The following DLG2 variants were observed in gnomAD, a reference collection of about 807,000 sequenced individuals.
DLG2 encodes the protein discs large MAGUK scaffold protein 2.
In DLG2, 45 loss-of-function variants were observed where a neutral mutation model predicts 132.5. The ratio of observed to expected loss-of-function variants is 0.34; its 90% CI spans 0.27 to 0.44. DLG2 has a LOEUF of 0.44. Ranked by LOEUF, DLG2 falls within the 20% of genes least tolerant of loss-of-function variation. The pLI, the probability that DLG2 is intolerant of heterozygous loss-of-function variation, is 1.00. For missense variants in DLG2, 1,045 were observed against 1,196.9 expected (o/e 0.87, Z 1.87); for synonymous variants, 424 against 419.6 (o/e 1.01, Z -0.13).
At chr11:85,099,613 G>C (rs751904827) in intron 6 of DLG2, among the ~76,000 whole-genome samples, 8 of 152,050 alleles carry the variant, frequency 5.3e-5, no homozygotes, top group Non-Finnish European at 8.8e-5. Context: ...GAATGTTGTA[G>C]GAAAAGCTTT....
At chr11:84,279,711 A>T (rs1177871555) in intron 7 of DLG2, among the ~76,000 whole-genome samples, 1 of 152,184 alleles carries the variant, frequency 6.6e-6, no homozygotes, top group African/African-American at 2.4e-5. Flanking sequence ...CACAAGAAGA[A>T]AAAACCAAAC....
intron 11 of DLG2, among the ~76,000 whole-genome samples, chr11:84,022,134 AC>A (rs1287624130): frequency 6.6e-6 from 1 of 152,200 alleles, no homozygotes; most frequent in South Asian, 2.1e-4. Context: ...TTCAAGTGTT[AC>A]CACCATTATA....
intron 6 of DLG2, among the ~76,000 whole-genome samples, chr11:85,000,574 T>C (rs959441151): frequency 6.6e-6 from 1 of 152,200 alleles, no homozygotes; most frequent in Non-Finnish European, 1.5e-5. Context: ...GGAATGTGAA[T>C]ACCATTTTTT....
intron 6 of DLG2, among the ~76,000 whole-genome samples, chr11:85,041,147 C>T (rs755133854): frequency 6.6e-6 from 1 of 151,676 alleles, no homozygotes; most frequent in Non-Finnish European, 1.5e-5. Context: ...TATTACCTTG[C>T]CAAAACGAAA....
chr11:85,531,551 G>A (rs928492897), intron 3 of DLG2, among the ~76,000 whole-genome samples: 1 of 152,186 alleles, frequency 6.6e-6, no homozygotes, highest in Admixed American at 6.5e-5. Flanking sequence ...ACTGATTGTT[G>A]CTACAGGAAA....
At chr11:83,522,412 T>C (rs2095504334) in intron 21 of DLG2, among the ~76,000 whole-genome samples, 1 of 152,116 alleles carries the variant, frequency 6.6e-6, no homozygotes, top group African/African-American at 2.4e-5. Flanking sequence ...CGGTATCCAG[T>C]GCATACAGGA....
chr11:84,829,077 T>C (rs894487736), intron 6 of DLG2, among the ~76,000 whole-genome samples: 1 of 151,652 alleles, frequency 6.6e-6, no homozygotes, highest in African/African-American at 2.4e-5. Flanking sequence ...ACAAAGACAT[T>C]TTTATATAAG....
intron 7 of DLG2, among the ~76,000 whole-genome samples, chr11:84,289,201 C>A (rs999197780): frequency 7.9e-5 from 12 of 151,982 alleles, no homozygotes; most frequent in African/African-American, 2.7e-4. Flanking sequence ...TGTTTAAGTT[C>A]TTTCAAATGT....
intron 19 of DLG2, among the ~76,000 whole-genome samples, chr11:83,576,150 T>A (rs935622726): frequency 2.0e-5 from 3 of 152,070 alleles, no homozygotes; most frequent in Non-Finnish European, 4.4e-5. Context: ...AATTAAACAA[T>A]GCCTAAAATA....
chr11:85,295,517 T>C lies in DLG2; in HGVS notation c.41-10152A>G, dbSNP rs147093166. Among the ~76,000 whole-genome samples the C allele has an allele frequency of 2.3e-4, 35 of 152,236 alleles. 1 individual carries two copies. Among genetic ancestry groups the C allele is most frequent in the African/African-American group, 7.0e-4 (29 of 41,556 alleles). ...ACACCCATGTTAGAGATGGAGAAACTGAGACTGGTTCAAGGTCATCAGGCT... is the reference window on the plus strand; with the variant it reads ...ACACCCATGTTAGAGATGGAGAAACCGAGACTGGTTCAAGGTCATCAGGCT... On this transcript the variant is annotated intron_variant, in intron 3 of 27. Coordinates refer to ENST00000376104, the MANE Select transcript of DLG2 (RefSeq NM_001142699.3).
intron 3 of DLG2, among the ~76,000 whole-genome samples, chr11:85,433,476 C>T (rs2091307092): frequency 6.6e-6 from 1 of 152,044 alleles, no homozygotes; most frequent in Non-Finnish European, 1.5e-5. Flanking sequence ...GAAAATTTAC[C>T]AAGCAAATGG....
chr11:85,410,683 A>G (rs1300645089), intron 3 of DLG2, among the ~76,000 whole-genome samples: 1 of 151,856 alleles, frequency 6.6e-6, no homozygotes, highest in African/African-American at 2.4e-5. Context: ...AACGCTGAAA[A>G]TGTGCATATT....
At chr11:85,384,579 T>C (rs910610979) in intron 3 of DLG2, among the ~76,000 whole-genome samples, 1 of 152,202 alleles carries the variant, frequency 6.6e-6, no homozygotes, top group Admixed American at 6.5e-5. Flanking sequence ...TTTTTGTTTG[T>C]TTGTTTTGAG....
intron 15 of DLG2, among the ~76,000 whole-genome samples, chr11:83,885,883 C>T (rs2067714727): frequency 6.6e-6 from 1 of 152,208 alleles, no homozygotes; most frequent in Admixed American, 6.5e-5. Context: ...AAATACTTTA[C>T]AGACAAGCAA....
intron 7 of DLG2, among the ~76,000 whole-genome samples, chr11:84,443,619 T>C (rs1312003603): frequency 1.3e-5 from 2 of 152,192 alleles, no homozygotes; most frequent in African/African-American, 2.4e-5. Context: ...TGTTAACTCT[T>C]TGTAGTCTTG....
chr11:83,931,429 T>G (rs1253132254), intron 14 of DLG2, among the ~76,000 whole-genome samples: 1 of 152,170 alleles, frequency 6.6e-6, no homozygotes, highest in East Asian at 1.9e-4. Flanking sequence ...CTGATCCAAT[T>G]TTCTCAGTCT....
intron 3 of DLG2, among the ~76,000 whole-genome samples, chr11:85,548,062 G>C (rs1383296118): frequency 1.3e-5 from 2 of 152,104 alleles, no homozygotes; most frequent in Admixed American, 1.3e-4. Context: ...GAGGAGAATA[G>C]GCATTCTGGT....
chr11:84,578,347 G>C (rs1281376470), intron 6 of DLG2, among the ~76,000 whole-genome samples: 1 of 152,074 alleles, frequency 6.6e-6, no homozygotes, highest in Admixed American at 6.5e-5. Flanking sequence ...ACCTGAAAAA[G>C]CCTCAGACAC....
chr11:83,546,175 T>C (rs1167600444), intron 19 of DLG2, among the ~76,000 whole-genome samples: 3 of 152,164 alleles, frequency 2.0e-5, no homozygotes, highest in African/African-American at 7.2e-5. Flanking sequence ...TCCTCATGAC[T>C]ATGCAACATG....
Sources: allele counts gnomAD v4.1 joint callset (sites outside exome capture counted in the v4.1 genomes callset), GRCh38; gene constraint gnomAD v4.1.1; transcripts MANE v1.5; gene names NCBI Gene and HGNC (gene_info 2026-07-23, HGNC 2026-07-21).